GALNT13: variants seen among roughly 807,000 people sequenced by gnomAD.
GALNT13 encodes the protein UDP-GalNAc:polypeptide N-acetylgalactosaminyltransferase 13.
GALNT13 carries 28 observed loss-of-function variants against 64.2 expected under a neutral mutation model. The observed-to-expected ratio is 0.44, with a 90% CI of 0.32 to 0.60. The LOEUF (loss-of-function observed/expected upper bound fraction) is 0.60. GALNT13 is among the 20% of genes least tolerant of loss of function. The probability of loss-of-function intolerance (pLI) is 0.05; values close to 1 mark genes in which losing one functional copy is unlikely to be tolerated. For synonymous variants in GALNT13, 214 were observed against 224.6 expected, an observed-to-expected ratio of 0.95 and a Z score of 0.42; for missense variants, 577 against 669.8, an observed-to-expected ratio of 0.86 and a Z score of 1.53.
intron 4 of GALNT13, among the ~76,000 whole-genome samples, chr2:154,209,057 G>A (rs181586748): frequency 3.6e-4 from 54 of 151,704 alleles, no homozygotes; most frequent in South Asian, 1.0e-3. Context: ...CCAGATCAAA[G>A]ACTCATCTTC....
chr2:154,430,976 A>T (rs908057007), intron 11 of GALNT13, among the ~76,000 whole-genome samples: 3 of 152,242 alleles, frequency 2.0e-5, no homozygotes, highest in Non-Finnish European at 2.9e-5. Context: ...ATATGGCTAC[A>T]GTATGGTGTA....
chr2:153,818,218 G>A, the GALNT13 span, among the ~76,000 whole-genome samples: 2 of 152,128 alleles, frequency 1.3e-5, no homozygotes, highest in Non-Finnish European at 2.9e-5. Context: ...GCTTCCCCCC[G>A]AGGGACTCCG....
chr2:154,168,603 G>C (rs1685167096), intron 4 of GALNT13, among the ~76,000 whole-genome samples: 1 of 150,838 alleles, frequency 6.6e-6, no homozygotes, highest in African/African-American at 2.4e-5. Context: ...GGGAGGCTGA[G>C]GCAGGCAGAT....
the GALNT13 span, among the ~76,000 whole-genome samples, chr2:153,204,299 G>A: frequency 6.6e-6 from 1 of 152,036 alleles, no homozygotes; most frequent in South Asian, 2.1e-4. Flanking sequence ...CGCCTCTTGA[G>A]GGATGCTTGT....
chr2:154,291,128 C>T (rs940365985), intron 8 of GALNT13, among the ~76,000 whole-genome samples: 3 of 152,066 alleles, frequency 2.0e-5, no homozygotes, highest in Non-Finnish European at 4.4e-5. Context: ...CTTGGGTGGC[C>T]TTTTATTCCC....
Position 154,011,335 on chromosome 2 carries a change from C to T in GALNT13, c.142+66696C>T, listed in dbSNP as rs143213532. Among the ~76,000 whole-genome samples the T allele has an allele frequency of 3.6e-3, 544 of 152,206 alleles. 1 individual carries two copies. The highest frequency in any genetic ancestry group is 0.013 in the African/African-American group (521 of 41,528). On this transcript the variant is annotated intron_variant, in intron 3 of 12. Transcript: ENST00000392825. ...ATTTCTGCCTTAATTTCATTGTTTA[C>T]CCAAATGTCATTTAGGAACAGGTTG...
At position 154,168,571 on chromosome 2, in the gene GALNT13, A is replaced by T. The variant is rs530934014; in HGVS notation, c.311+28066A>T. ...GAGATTTGGCCGGGTGTAGTGGCTC[A>T]CACCTGTAATCCCAGCACTTTGGGA... On this transcript the variant is annotated intron_variant, in intron 4 of 12. Coordinates refer to ENST00000392825, the MANE Select transcript of GALNT13 (RefSeq NM_052917.4). 2.0e-3 allele frequency among the ~76,000 whole-genome samples: 300 copies of T among 151,874 alleles called. 2 individuals are homozygous for T. The highest frequency in any genetic ancestry group is 7.2e-3 in the African/African-American group (297 of 41,390).
intron 3 of GALNT13, among the ~76,000 whole-genome samples, chr2:154,034,899 A>G (rs1698566099): frequency 6.6e-6 from 1 of 152,194 alleles, no homozygotes; most frequent in South Asian, 2.1e-4. Context: ...ATTATTAAAA[A>G]GTCAAAAAAT....
the GALNT13 span, among the ~76,000 whole-genome samples, chr2:153,575,580 C>A: frequency 6.6e-6 from 1 of 152,262 alleles, no homozygotes; most frequent in Non-Finnish European, 1.5e-5. Context: ...GTGCTCAAAC[C>A]ACAAGATGCA....
At chr2:153,511,762 T>C in the GALNT13 span, among the ~76,000 whole-genome samples, 3 of 152,208 alleles carry the variant, frequency 2.0e-5, no homozygotes, top group African/African-American at 4.8e-5. Context: ...GCGGGAGTTT[T>C]ATGGGTGAGT....
At chr2:153,562,060 CTGTGTGTGTGTGTGTGTGTGTGTG>C in the GALNT13 span, among the ~76,000 whole-genome samples, 2 of 118,904 alleles carry the variant, frequency 1.7e-5, no homozygotes, top group South Asian at 3.2e-4. Flanking sequence ...CTCTCTCTCT[CTGTGTGTGTGTGTGTGTGTGTGTG>C]TGTGTGTGTG....
chr2:153,150,979 C>G, the GALNT13 span, among the ~76,000 whole-genome samples: 1 of 151,394 alleles, frequency 6.6e-6, no homozygotes, highest in Non-Finnish European at 1.5e-5. Context: ...TCCATATGAA[C>G]TTTAGTTTTT....
the GALNT13 span, among the ~76,000 whole-genome samples, chr2:153,458,992 T>G: frequency 6.6e-5 from 10 of 152,138 alleles, no homozygotes; most frequent in South Asian, 2.1e-4. Context: ...CTGATTTACT[T>G]CCTCCACTGT....
At chr2:154,362,356 T>G (rs751658725) in intron 9 of GALNT13, among the ~76,000 whole-genome samples, 27 of 148,892 alleles carry the variant, frequency 1.8e-4, no homozygotes, top group Non-Finnish European at 3.7e-4. Context: ...TAAAATAGAG[T>G]AGGTTTTGAT....
At chr2:153,082,616 TATACACACACACACACACACAC>T in the GALNT13 span, among the ~76,000 whole-genome samples, 1 of 26,592 alleles carries the variant, frequency 3.8e-5, no homozygotes, top group Non-Finnish European at 7.0e-5. Context: ...TATATATATA[TATACACACACACACACACACAC>T]ACACACACAC....
the GALNT13 span, among the ~76,000 whole-genome samples, chr2:153,688,199 C>A: frequency 1.3e-5 from 2 of 151,912 alleles, no homozygotes; most frequent in African/African-American, 4.8e-5. Flanking sequence ...CTGCTATAAA[C>A]TACAGTGGCA....
the GALNT13 span, among the ~76,000 whole-genome samples, chr2:153,433,558 T>C: frequency 6.6e-6 from 1 of 152,186 alleles, no homozygotes; most frequent in Non-Finnish European, 1.5e-5. Flanking sequence ...AACTTCTAAG[T>C]AAAGTTTCAG....
Position 154,197,896 on chromosome 2 carries a change from C to G in GALNT13, c.312-44134C>G, listed in dbSNP as rs527310362. ...AGATAACAGAAACACAAATGGTCAACAAATATATGAAAAGAAGCTTAACTT... is the reference window on the plus strand; with the variant it reads ...AGATAACAGAAACACAAATGGTCAAGAAATATATGAAAAGAAGCTTAACTT... On this transcript the variant is annotated intron_variant, in intron 4 of 12. Transcript: ENST00000392825. Among the ~76,000 whole-genome samples, 23 of 150,794 alleles carry G rather than the reference C, an allele frequency of 1.5e-4. No homozygotes were observed. In the South Asian group the frequency reaches 2.3e-3, roughly 15 times the overall value.
chr2:153,256,586 A>T, the GALNT13 span, among the ~76,000 whole-genome samples: 1 of 151,978 alleles, frequency 6.6e-6, no homozygotes, highest in Non-Finnish European at 1.5e-5. Flanking sequence ...TTTTTTCCCC[A>T]ACTTTGTGGT....
Sources: allele counts gnomAD v4.1 joint callset (sites outside exome capture counted in the v4.1 genomes callset), GRCh38; gene constraint gnomAD v4.1.1; transcripts MANE v1.5; gene names NCBI Gene and HGNC (gene_info 2026-07-23, HGNC 2026-07-21).